Variants in PCDH9 observed in about 807,000 individuals in gnomAD.
PCDH9 encodes protocadherin 9.
A neutral mutation model predicts 70.6 loss-of-function variants in PCDH9; 24 were observed. The observed-to-expected ratio is 0.34, with a 90% confidence interval of 0.25 to 0.48. PCDH9 has a LOEUF of 0.48. Among genes scored for constraint, PCDH9 ranks in the 20% least tolerant of loss-of-function variants. The probability of loss-of-function intolerance (pLI) is 0.99; values close to 1 mark genes in which losing one functional copy is unlikely to be tolerated. For synonymous variants in PCDH9, 562 were observed against 558.5 expected (o/e 1.01, Z -0.09); for missense variants, 1,281 against 1,503.6 (o/e 0.85, Z 2.45).
At chr13:66,935,816 C>T (rs1227285384) in intron 2 of PCDH9, among the ~76,000 whole-genome samples, 2 of 152,092 alleles carry the variant, frequency 1.3e-5, no homozygotes, top group Non-Finnish European at 2.9e-5. Flanking sequence ...CACCATGGCT[C>T]ATGCCTGTAA....
intron 4 of PCDH9, among the ~76,000 whole-genome samples, chr13:66,614,783 C>T (rs1157441669): frequency 6.6e-6 from 1 of 152,184 alleles, no homozygotes; most frequent in Non-Finnish European, 1.5e-5. Flanking sequence ...AGGGTACACT[C>T]GCCAGCAGTT....
chr13:67,223,301 A>C (rs986220199), intron 2 of PCDH9: 1 of 152,152 alleles, frequency 6.6e-6, no homozygotes, highest in African/African-American at 2.4e-5. Flanking sequence ...TCACTACACT[A>C]TATATAGGTT....
intron 4 of PCDH9, among the ~76,000 whole-genome samples, chr13:66,603,029 T>C (rs543644287): frequency 4.1e-5 from 6 of 146,152 alleles, no homozygotes; most frequent in African/African-American, 1.5e-4. Flanking sequence ...TTTGTGTAAG[T>C]ACCCTCTTTG....
chr13:66,932,951 G>A (rs188318831), intron 2 of PCDH9, among the ~76,000 whole-genome samples: 1 of 151,306 alleles, frequency 6.6e-6, no homozygotes, highest in Non-Finnish European at 1.5e-5. Context: ...TATGCAATAT[G>A]TTAATATATA....
chr13:66,962,463 T>C (rs907414944), intron 2 of PCDH9, among the ~76,000 whole-genome samples: 1 of 152,218 alleles, frequency 6.6e-6, no homozygotes. Context: ...AATTTTGTCA[T>C]TGTGGGAACA....
intron 3 of PCDH9, among the ~76,000 whole-genome samples, chr13:66,857,126 A>G (rs963503062): frequency 6.6e-6 from 1 of 152,008 alleles, no homozygotes; most frequent in Admixed American, 6.6e-5. Flanking sequence ...AATCACGCCC[A>G]TTAAATTTCT....
chr13:67,166,187 C>T lies in PCDH9; in HGVS notation c.3036+59218G>A, dbSNP rs193266121. Among the ~76,000 whole-genome samples, 172 of 152,228 alleles carry T rather than the reference C, an allele frequency of 1.1e-3. 1 individual carries two copies. Among genetic ancestry groups the T allele is most frequent in the African/African-American group, 4.0e-3 (165 of 41,554 alleles). On this transcript the variant is annotated intron_variant, in intron 2 of 4. Coordinates refer to ENST00000377865, the MANE Select transcript of PCDH9 (RefSeq NM_203487.3). The stretch of plus-strand genomic sequence containing the variant: ...TCCACTATAACTCCCTGGCTTCTTA[C>T]CCTGTTTTATTCTCCTTTGATACAA...
At chr13:66,937,538 T>C (rs1413368385) in intron 2 of PCDH9, among the ~76,000 whole-genome samples, 6 of 152,238 alleles carry the variant, frequency 3.9e-5, no homozygotes, top group Admixed American at 2.6e-4. Flanking sequence ...TTTATGCCTG[T>C]TTAAACAAAC....
chr13:67,225,526 G>A lies in PCDH9; in HGVS notation c.2915C>T (p.Thr972Ile). ...AAGGGTGTCACAACCCCCAACAAAG[G>A]TGTTGTCCAAAGGGAGTTCCTGAAT... is the stretch of plus-strand genomic sequence containing the variant. Reference protein sequence around the residue: ...HVIQELPLDNTFVGGCDTLSK... With the variant: ...HVIQELPLDNIFVGGCDTLSK... The change falls in exon 2 of 5, where the codon ACC (threonine) becomes ATC (isoleucine). Residue 972 changes from threonine (T) to isoleucine (I), a missense_variant. Thr to Ile is a moderately conservative substitution (Grantham distance 89, BLOSUM62 -1). Transcript: ENST00000377865. 1.2e-6 allele frequency: 2 copies of A among 1,614,104 alleles called. No individual in the cohort carries two copies. Among genetic ancestry groups the A allele is most frequent in the South Asian group, 2.2e-5 (2 of 91,090 alleles).
intron 4 of PCDH9, among the ~76,000 whole-genome samples, chr13:66,583,620 A>T (rs2076924535): frequency 1.3e-5 from 2 of 152,136 alleles, no homozygotes; most frequent in African/African-American, 4.8e-5. Context: ...TCTCAAAAAA[A>T]AAAAAAGAAT....
chr13:66,710,279 C>T (rs2078775073), intron 3 of PCDH9, among the ~76,000 whole-genome samples: 1 of 151,912 alleles, frequency 6.6e-6, no homozygotes, highest in African/African-American at 2.4e-5. Flanking sequence ...TATGGCGATT[C>T]CACTGACTTG....
rs568253476 is a variant in PCDH9 at position 66,820,201 on chromosome 13, CA to C, written c.3138+83302del. Among the ~76,000 whole-genome samples the C allele has an allele frequency of 4.0e-3, 606 of 151,054 alleles. 3 individuals are homozygous for C. The highest frequency in any genetic ancestry group is 0.012 in the African/African-American group (501 of 41,214). On this transcript the variant is annotated intron_variant, in intron 3 of 4. Transcript: ENST00000377865. ...ACTTTTCAATGACAAATTTAGTCAT[CA>C]AAAAAAACACAAACATAAGCCATAT...
In PCDH9 at chr13:66,425,025, A is replaced by T. The variant is rs1433927480; in HGVS notation, c.3341-119997T>A. 2.0e-5 allele frequency among the ~76,000 whole-genome samples: 3 copies of T among 151,876 alleles called. No individual in the cohort carries two copies. The East Asian group carries it at 5.8e-4, about 29-fold the overall frequency. ...GACATGCCAGGATGGTCAAACCACA[A>T]CAAAGAGAAGGCTAATATTTCAGCT... On this transcript the variant is annotated intron_variant, in intron 4 of 4. Coordinates refer to ENST00000377865, the MANE Select transcript of PCDH9 (RefSeq NM_203487.3).
intron 3 of PCDH9, among the ~76,000 whole-genome samples, chr13:66,862,687 G>A (rs2081504413): frequency 6.6e-6 from 1 of 152,108 alleles, no homozygotes; most frequent in Non-Finnish European, 1.5e-5. Flanking sequence ...AGGAAATGAA[G>A]TCCATTTTTT....
intron 2 of PCDH9, among the ~76,000 whole-genome samples, chr13:66,937,516 C>G (rs774289831): frequency 2.6e-5 from 4 of 152,206 alleles, no homozygotes; most frequent in Non-Finnish European, 5.9e-5. Context: ...ATCTGTATTG[C>G]GAGTTCACGG....
chr13:66,994,416 C>T (rs2084067353), intron 2 of PCDH9, among the ~76,000 whole-genome samples: 1 of 152,154 alleles, frequency 6.6e-6, no homozygotes, highest in African/African-American at 2.4e-5. Context: ...TATTAAGAAG[C>T]CAGATGGCAA....
At chr13:66,801,181 A>G (rs1237473320) in intron 3 of PCDH9, among the ~76,000 whole-genome samples, 1 of 152,072 alleles carries the variant, frequency 6.6e-6, no homozygotes, top group Non-Finnish European at 1.5e-5. Context: ...TAATGAACAT[A>G]ATTGAAAATA....
intron 4 of PCDH9, among the ~76,000 whole-genome samples, chr13:66,389,177 A>T (rs964371287): frequency 6.6e-6 from 1 of 152,164 alleles, no homozygotes; most frequent in Non-Finnish European, 1.5e-5. Context: ...AAATCTTAGC[A>T]TCTAGTCCTA....
At chr13:66,525,569 GCAAA>G (rs1261258607) in intron 4 of PCDH9, among the ~76,000 whole-genome samples, 2 of 151,908 alleles carry the variant, frequency 1.3e-5, no homozygotes, top group African/African-American at 4.8e-5. Flanking sequence ...AACAAAACAA[GCAAA>G]CAAACAACGA....
Sources: gnomAD v4.1 joint callset for allele counts (sites outside exome capture counted in the v4.1 genomes callset) on GRCh38, gnomAD v4.1.1 for gene constraint, MANE v1.5 for transcripts, NCBI Gene and HGNC (gene_info 2026-07-23, HGNC 2026-07-21) for gene names.